The following NFAT5 variants were observed in gnomAD, a reference collection of about 807,000 sequenced individuals.
NFAT5 encodes nuclear factor of activated T-cells 5.
A neutral mutation model predicts 166.5 loss-of-function variants in NFAT5; 31 were observed. That is an observed-to-expected ratio of 0.19 (90% CI 0.14 to 0.25). NFAT5 has a LOEUF of 0.25. Ranked by LOEUF, NFAT5 falls within the 10% of genes least tolerant of loss-of-function variation. The pLI, the probability that NFAT5 is intolerant of heterozygous loss-of-function variation, is 1.00. For synonymous variants in NFAT5, 612 were observed against 639.7 expected (o/e 0.96, Z 0.65); for missense variants, 1,449 against 1,821.8 (o/e 0.80, Z 3.72).
chr16:69,586,404 A>AT (rs982519180), intron 2 of NFAT5, among the ~76,000 whole-genome samples: 11 of 149,270 alleles, frequency 7.4e-5, no homozygotes, highest in East Asian at 1.9e-4. Context: ...TTAGATTGGA[A>AT]TTTTTTTTTT....
intron 2 of NFAT5, among the ~76,000 whole-genome samples, chr16:69,598,468 A>T (rs2032936747): frequency 1.3e-5 from 2 of 151,896 alleles, no homozygotes; most frequent in African/African-American, 4.8e-5. Flanking sequence ...GTATAAAAAG[A>T]CTCACCATTG....
intron 3 of NFAT5, among the ~76,000 whole-genome samples, chr16:69,637,120 G>A (rs961344089): frequency 6.6e-6 from 1 of 151,946 alleles, no homozygotes; most frequent in Admixed American, 6.6e-5. Flanking sequence ...AGATCTCTAG[G>A]GCAGGGGTAA....
At chr16:69,576,138 T>TA (rs1243837883) in intron 2 of NFAT5, among the ~76,000 whole-genome samples, 10 of 150,998 alleles carry the variant, frequency 6.6e-5, no homozygotes, top group African/African-American at 2.2e-4. Context: ...CCGTCTCTAC[T>TA]AAAAAAATAC....
Position 69,693,678 on chromosome 16 carries a change from A to G in NFAT5, c.3853A>G (p.Ser1285Gly). 1 of 1,614,184 alleles carries G rather than the reference A, an allele frequency of 6.2e-7. No homozygotes were observed. Among genetic ancestry groups the G allele is most frequent in the Non-Finnish European group, 8.5e-7 (1 of 1,180,026 alleles). Residue 1285 changes from serine (S) to glycine (G), a missense_variant, in exon 13 of 15, where the codon AGC becomes GGC. Ser to Gly is a moderately conservative substitution (Grantham distance 56). Coordinates refer to ENST00000349945, the MANE Select transcript of NFAT5 (RefSeq NM_138713.4). ...GCAACAGCAGCAGCAACAACAACAG[A>G]GCATTTTATTCAGTAATCAGAATAC... Reference protein sequence around the residue: ...QQQQQQQQQQSILFSNQNTMA... With the variant: ...QQQQQQQQQQGILFSNQNTMA...
chr16:69,595,616 T>C (rs1162213940), intron 2 of NFAT5, among the ~76,000 whole-genome samples: 1 of 152,234 alleles, frequency 6.6e-6, no homozygotes, highest in Non-Finnish European at 1.5e-5. Context: ...TAATTTCTTT[T>C]TCATTCTTTC....
At chr16:69,597,014 C>A (rs1048500139) in intron 2 of NFAT5, among the ~76,000 whole-genome samples, 3 of 152,048 alleles carry the variant, frequency 2.0e-5, no homozygotes, top group Non-Finnish European at 4.4e-5. Flanking sequence ...AACTTGCTAT[C>A]AAAATCAGTC....
intron 2 of NFAT5, among the ~76,000 whole-genome samples, chr16:69,587,941 TTTC>T: frequency 7.1e-6 from 1 of 141,254 alleles, no homozygotes; most frequent in Non-Finnish European, 1.5e-5. Context: ...TTTATAGTGC[TTTC>T]TTTTTTTTTT....
At chr16:69,653,157 TC>T (rs2035744660) in intron 4 of NFAT5, 78 bp from the exon 5 acceptor site, 2 of 999,460 alleles carry the variant, frequency 2.0e-6, no homozygotes, top group East Asian at 5.9e-5. Context: ...TTCTGTTTCT[TC>T]CTTTGTCTTA....
At chr16:69,622,832 GAAAAA>G (rs11347776) in intron 2 of NFAT5, among the ~76,000 whole-genome samples, 1 of 144,380 alleles carries the variant, frequency 6.9e-6, no homozygotes, top group Admixed American at 6.9e-5. Flanking sequence ...TTTTGTTTGG[GAAAAA>G]AAAAAAAAAG....
chr16:69,617,929 G>A (rs1480680986), intron 2 of NFAT5, among the ~76,000 whole-genome samples: 1 of 151,740 alleles, frequency 6.6e-6, no homozygotes, highest in Non-Finnish European at 1.5e-5. Flanking sequence ...GGCCAAGGTG[G>A]GCGGATCACC....
chr16:69,600,322 G>T (rs1380625001), intron 2 of NFAT5, among the ~76,000 whole-genome samples: 1 of 152,148 alleles, frequency 6.6e-6, no homozygotes, highest in African/African-American at 2.4e-5. Context: ...TTTGAATGGG[G>T]AGTGGTTGGA....
At chr16:69,607,728 ACTT>A (rs1357214368) in intron 2 of NFAT5, among the ~76,000 whole-genome samples, 4 of 152,172 alleles carry the variant, frequency 2.6e-5, no homozygotes, top group African/African-American at 7.2e-5. Flanking sequence ...TCAACTTGTG[ACTT>A]CTTCTGAAAA....
At chr16:69,609,372 T>C (rs904856372) in intron 2 of NFAT5, among the ~76,000 whole-genome samples, 1 of 152,152 alleles carries the variant, frequency 6.6e-6, no homozygotes, top group African/African-American at 2.4e-5. Flanking sequence ...CCCTATTCAG[T>C]AGTCGGTCTG....
intron 2 of NFAT5, among the ~76,000 whole-genome samples, chr16:69,576,182 T>G (rs2016737054): frequency 6.6e-6 from 1 of 151,104 alleles, no homozygotes; most frequent in Non-Finnish European, 1.5e-5. Flanking sequence ...GGCGGGCACC[T>G]GTAGTCCCCT....
At chr16:69,607,192 C>G (rs1021818659) in intron 2 of NFAT5, among the ~76,000 whole-genome samples, 6 of 152,074 alleles carry the variant, frequency 3.9e-5, no homozygotes, top group African/African-American at 1.4e-4. Flanking sequence ...CAAGGTCACA[C>G]AAAAAATAAG....
intron 2 of NFAT5, among the ~76,000 whole-genome samples, chr16:69,582,030 C>T (rs986978744): frequency 8.6e-5 from 13 of 152,000 alleles, no homozygotes; most frequent in African/African-American, 2.7e-4. Flanking sequence ...TTTGTGAGGC[C>T]GAGGAGGGCG....
chr16:69,633,233 A>C (rs1456720489), intron 3 of NFAT5, among the ~76,000 whole-genome samples: 1 of 152,202 alleles, frequency 6.6e-6, no homozygotes, highest in African/African-American at 2.4e-5. Context: ...ATAAATAAGC[A>C]TATTTTTATA....
chr16:69,642,688 G>T (rs2035264315), intron 3 of NFAT5, among the ~76,000 whole-genome samples: 1 of 151,820 alleles, frequency 6.6e-6, no homozygotes, highest in African/African-American at 2.4e-5. Context: ...GTGGTGGCGG[G>T]TGCCTGTAGT....
chr16:69,575,409 C>T (rs940168874), intron 2 of NFAT5, among the ~76,000 whole-genome samples: 1 of 152,068 alleles, frequency 6.6e-6, no homozygotes, highest in African/African-American at 2.4e-5. Context: ...CTCAGGTGAT[C>T]CGCCCGCCTC....
Sources: gnomAD v4.1 joint callset for allele counts (sites outside exome capture counted in the v4.1 genomes callset) on GRCh38, gnomAD v4.1.1 for gene constraint, MANE v1.5 for transcripts, NCBI Gene and HGNC (gene_info 2026-07-23, HGNC 2026-07-21) for gene names.